The following LRRTM4 variants were observed in gnomAD, a reference collection of about 807,000 sequenced individuals.
The protein encoded by LRRTM4 is leucine rich repeat transmembrane neuronal 4.
A neutral mutation model predicts 47.6 loss-of-function variants in LRRTM4; 25 were observed. The observed-to-expected ratio is 0.53, with a 90% CI of 0.38 to 0.73. The LOEUF is 0.73. Among genes scored for constraint, LRRTM4 ranks in the 30% least tolerant of loss-of-function variants. LRRTM4 has a pLI of 0.00. For missense variants in LRRTM4, 638 were observed against 713.4 expected (o/e 0.89, Z 1.20); for synonymous variants, 311 against 269.5 (o/e 1.15, Z -1.51).
At chr2:77,480,831 GAGA>G (rs1677666889) in intron 3 of LRRTM4, among the ~76,000 whole-genome samples, 3 of 54,792 alleles carry the variant, frequency 5.5e-5, no homozygotes, top group Non-Finnish European at 1.1e-4. Flanking sequence ...TGGAGAGAGA[GAGA>G]GAGAGAGAGA....
chr2:77,066,858 G>A (rs542055555), intron 3 of LRRTM4, among the ~76,000 whole-genome samples: 1 of 152,340 alleles, frequency 6.6e-6, no homozygotes, highest in African/African-American at 2.4e-5. Flanking sequence ...CAGTATGTCT[G>A]GTAATGTTGT....
intron 3 of LRRTM4, among the ~76,000 whole-genome samples, chr2:76,942,093 T>C (rs1675164351): frequency 2.0e-5 from 3 of 152,362 alleles, no homozygotes; most frequent in East Asian, 3.9e-4. Flanking sequence ...ATCTGTTTGT[T>C]GTCCACATAA....
At chr2:77,188,255 C>G (rs1673565943) in intron 3 of LRRTM4, among the ~76,000 whole-genome samples, 1 of 152,138 alleles carries the variant, frequency 6.6e-6, no homozygotes, top group African/African-American at 2.4e-5. Flanking sequence ...GTTTTCTACT[C>G]CACCTTTATT....
At chr2:77,326,011 C>G (rs964144138) in intron 3 of LRRTM4, among the ~76,000 whole-genome samples, 3 of 152,158 alleles carry the variant, frequency 2.0e-5, no homozygotes, top group Admixed American at 2.0e-4. Flanking sequence ...TTTCCTCACT[C>G]TGCTCCCCCA....
At chr2:77,394,822 C>T (rs1673637436) in intron 3 of LRRTM4, among the ~76,000 whole-genome samples, 1 of 151,880 alleles carries the variant, frequency 6.6e-6, no homozygotes, top group Non-Finnish European at 1.5e-5. Flanking sequence ...CTATGTAAAC[C>T]AGCCAGAACC....
At chr2:76,793,491 T>G in intron 3 of LRRTM4, among the ~76,000 whole-genome samples, 1 of 152,204 alleles carries the variant, frequency 6.6e-6, no homozygotes, top group East Asian at 1.9e-4. Flanking sequence ...ATAAGTAGGA[T>G]TTTGATTAAT....
At chr2:77,339,363 A>T (rs961745629) in intron 3 of LRRTM4, among the ~76,000 whole-genome samples, 2 of 152,030 alleles carry the variant, frequency 1.3e-5, no homozygotes, top group Non-Finnish European at 2.9e-5. Flanking sequence ...TTTATAGGCA[A>T]TTATGTTTCC....
At chr2:77,436,446 C>T (rs1021744603) in intron 3 of LRRTM4, among the ~76,000 whole-genome samples, 6 of 151,362 alleles carry the variant, frequency 4.0e-5, no homozygotes, top group African/African-American at 9.7e-5. Context: ...TATATAATTG[C>T]TATAATTTAT....
chr2:77,394,115 G>A (rs540399351), intron 3 of LRRTM4, among the ~76,000 whole-genome samples: 15 of 151,776 alleles, frequency 9.9e-5, no homozygotes, highest in African/African-American at 3.6e-4. Flanking sequence ...GTTTATTTAT[G>A]CAACTCAAAA....
intron 3 of LRRTM4, among the ~76,000 whole-genome samples, chr2:77,378,240 T>C (rs951906313): frequency 6.6e-6 from 1 of 152,026 alleles, no homozygotes; most frequent in Non-Finnish European, 1.5e-5. Context: ...TACGAATTAG[T>C]CTCTATATTT....
At chr2:76,960,251 T>C (rs1675809161) in intron 3 of LRRTM4, among the ~76,000 whole-genome samples, 1 of 151,730 alleles carries the variant, frequency 6.6e-6, no homozygotes, top group South Asian at 2.1e-4. Flanking sequence ...GTGTATCAGC[T>C]AGTTATAACA....
At chr2:77,186,081 T>G (rs1028293141) in intron 3 of LRRTM4, among the ~76,000 whole-genome samples, 2 of 152,248 alleles carry the variant, frequency 1.3e-5, no homozygotes, top group South Asian at 2.1e-4. Context: ...ATCTAATATA[T>G]TCATTGTTTT....
intron 3 of LRRTM4, among the ~76,000 whole-genome samples, chr2:77,117,579 T>C (rs542922805): frequency 6.6e-6 from 1 of 152,096 alleles, no homozygotes; most frequent in South Asian, 2.1e-4. Context: ...AAACTTTTTG[T>C]TCCTCTGTGT....
chr2:77,509,037 G>T (rs1678880431), intron 3 of LRRTM4, among the ~76,000 whole-genome samples: 1 of 151,940 alleles, frequency 6.6e-6, no homozygotes, highest in Non-Finnish European at 1.5e-5. Context: ...TTCAAGACCA[G>T]CCTGGCCAAC....
chr2:76,810,895 A>G lies in LRRTM4; in HGVS notation c.1552-61979T>C, dbSNP rs151036265. 2.4e-3 allele frequency among the ~76,000 whole-genome samples: 366 copies of G among 152,284 alleles called. 6 individuals are homozygous for G. The highest frequency in any genetic ancestry group is 8.5e-3 in the African/African-American group (352 of 41,556). ...AACATTACACACTATCTTACCATTG[A>G]CACATACTGTGGGTTATTCTGAGAA... On this transcript the variant is annotated intron_variant, in intron 3 of 3. Coordinates refer to ENST00000409884, the MANE Select transcript of LRRTM4 (RefSeq NM_001134745.3).
chr2:76,965,209 C>T (rs1675984186), intron 3 of LRRTM4, among the ~76,000 whole-genome samples: 2 of 150,976 alleles, frequency 1.3e-5, no homozygotes, highest in South Asian at 2.1e-4. Context: ...GTCAGCATTA[C>T]CCTACCAGCA....
intron 3 of LRRTM4, among the ~76,000 whole-genome samples, chr2:76,868,786 G>C (rs567414302): frequency 6.6e-6 from 1 of 152,118 alleles, no homozygotes; most frequent in Non-Finnish European, 1.5e-5. Context: ...GAAAGAACAT[G>C]AAGTCGATCT....
chr2:77,416,806 C>T (rs1425566763), intron 3 of LRRTM4, among the ~76,000 whole-genome samples: 1 of 151,886 alleles, frequency 6.6e-6, no homozygotes, highest in Admixed American at 6.6e-5. Flanking sequence ...TAAATGGGTC[C>T]TTAAAATAAA....
chr2:77,164,637 C>G (rs1478320123), intron 3 of LRRTM4, among the ~76,000 whole-genome samples: 1 of 152,096 alleles, frequency 6.6e-6, no homozygotes, highest in African/African-American at 2.4e-5. Context: ...TGCAATCAAA[C>G]TAGAACTCAG....
Sources: gnomAD v4.1 joint callset for allele counts (sites outside exome capture counted in the v4.1 genomes callset) on GRCh38, gnomAD v4.1.1 for gene constraint, MANE v1.5 for transcripts, NCBI Gene and HGNC (gene_info 2026-07-23, HGNC 2026-07-21) for gene names.